GCNT4: variants seen among roughly 807,000 people sequenced by gnomAD.
The protein encoded by GCNT4 is beta-1,3-galactosyl-O-glycosyl-glycoprotein beta-1,6-N-acetylglucosaminyltransferase 4.
GCNT4 carries 17 observed loss-of-function variants against 31.3 expected under a neutral mutation model. The observed-to-expected ratio is 0.54, with a 90% CI of 0.37 to 0.81. The LOEUF is 0.81. GCNT4 is among the 40% of genes least tolerant of loss of function. The pLI is 0.00. For synonymous variants in GCNT4, 158 were observed against 190.6 expected (o/e 0.83, Z 1.41); for missense variants, 503 against 525.5 (o/e 0.96, Z 0.42).
chr5:75,019,801 A>G, the GCNT4 span, among the ~76,000 whole-genome samples: 3 of 152,236 alleles, frequency 2.0e-5, no homozygotes, highest in Non-Finnish European at 4.4e-5. Flanking sequence ...CCACCATTCC[A>G]TATTAGTTGC....
At chr5:75,048,878 A>G (rs1413878603) in intron 2 of GCNT4, among the ~76,000 whole-genome samples, 1 of 152,228 alleles carries the variant, frequency 6.6e-6, no homozygotes, top group Non-Finnish European at 1.5e-5. Context: ...ATGACTCAAT[A>G]GAGGAGTGAA....
chr5:75,031,693 C>T (rs1245317274), intron 3 of GCNT4, among the ~76,000 whole-genome samples: 1 of 152,160 alleles, frequency 6.6e-6, no homozygotes, highest in Non-Finnish European at 1.5e-5. Context: ...CACTGAATAT[C>T]TTTTAGTATC....
chr5:75,038,158 T>A (rs1164395783), intron 3 of GCNT4, among the ~76,000 whole-genome samples: 12 of 152,080 alleles, frequency 7.9e-5, no homozygotes. Flanking sequence ...TATGAACAAG[T>A]CCTAACCTAA....
rs747600053 is a variant in GCNT4, at chr5:75,029,518, C to G, written c.520G>C (p.Val174Leu). 6.8e-6 allele frequency: 11 copies of G among 1,614,092 alleles called. No homozygotes were observed. The Admixed American group carries it at 1.0e-4, about 15-fold the overall frequency. Residue 174 changes from valine to leucine, a missense_variant, in exon 4 of 4, where the codon GTT (valine) becomes CTT (leucine). By Grantham distance (32) the Val-to-Leu change is conservative. Coordinates refer to ENST00000652361, the MANE Select transcript of GCNT4 (RefSeq NM_001366737.1). The stretch of plus-strand genomic sequence containing the variant: ...CACTTAGCTAAATTGTTCATGGCAA[C>G]TTTGAAGGTATCAGGTGCCTTACGA... ...YDRKAPDTFKVAMNNLAKCFS... is the reference protein window; with the variant it reads ...YDRKAPDTFKLAMNNLAKCFS...
At chr5:75,019,068 T>G in the GCNT4 span, among the ~76,000 whole-genome samples, 1 of 152,084 alleles carries the variant, frequency 6.6e-6, no homozygotes, top group Non-Finnish European at 1.5e-5. Context: ...GTGTCTTCCC[T>G]CCCCCAAATT....
chr5:75,024,418 T>C (rs1258146107), downstream of GCNT4, among the ~76,000 whole-genome samples: 6 of 152,096 alleles, frequency 3.9e-5, no homozygotes, highest in Non-Finnish European at 1.5e-5. Flanking sequence ...GGATTGAGAT[T>C]TGTGAGTGAA....
At chr5:75,033,789 T>C (rs890683122) in intron 3 of GCNT4, among the ~76,000 whole-genome samples, 3 of 152,014 alleles carry the variant, frequency 2.0e-5, no homozygotes, top group Non-Finnish European at 4.4e-5. Flanking sequence ...ATCTAGGTTT[T>C]AAGCCCCGAA....
intron 2 of GCNT4, among the ~76,000 whole-genome samples, chr5:75,049,479 C>G (rs1226717700): frequency 6.6e-6 from 1 of 152,204 alleles, no homozygotes; most frequent in South Asian, 2.1e-4. Flanking sequence ...AGGATGGAAA[C>G]GGCTGCATTC....
In GCNT4 at chr5:75,028,417, T is replaced by C; in HGVS notation, c.*259A>G. ...TGTCATATAGTTAGGTGCTCAATAATGTTTGATGACTGACTGAATGTTTAA... is the reference window on the plus strand; with the variant it reads ...TGTCATATAGTTAGGTGCTCAATAACGTTTGATGACTGACTGAATGTTTAA... On this transcript the variant is annotated 3_prime_UTR_variant, in exon 4 of 4. Transcript: ENST00000652361. 1 of 446,682 alleles carries C rather than the reference T, an allele frequency of 2.2e-6. No individual in the cohort carries two copies. The highest frequency in any genetic ancestry group is 3.9e-6 in the Non-Finnish European group (1 of 254,708). 27.7% of individuals were successfully genotyped at this position (446,682 alleles called of 1,614,324 possible). A position where few individuals can be genotyped will look rare whatever the true frequency, so the allele number is the denominator to read the frequency against.
At chr5:75,024,575 A>G (rs996730566), downstream of GCNT4, among the ~76,000 whole-genome samples, 2 of 152,154 alleles carry the variant, frequency 1.3e-5, no homozygotes, top group African/African-American at 4.8e-5. Flanking sequence ...CTGGGAGAAC[A>G]GAGCAGAAGC....
At chr5:75,045,216 TCAC>T (rs1743411188) in intron 3 of GCNT4, among the ~76,000 whole-genome samples, 1 of 152,212 alleles carries the variant, frequency 6.6e-6, no homozygotes, top group Admixed American at 6.5e-5. Context: ...AGTGCAACCA[TCAC>T]CACAATCCAT....
intron 3 of GCNT4, among the ~76,000 whole-genome samples, chr5:75,044,893 T>C (rs1312485854): frequency 1.3e-5 from 2 of 152,158 alleles, no homozygotes; most frequent in Non-Finnish European, 2.9e-5. Context: ...ATAGGGATAA[T>C]GGGGAGAGGG....
intron 2 of GCNT4, among the ~76,000 whole-genome samples, chr5:75,049,433 T>G (rs1743517091): frequency 6.6e-6 from 1 of 152,176 alleles, no homozygotes; most frequent in African/African-American, 2.4e-5. Context: ...TGTCTCCAAA[T>G]GCCCACACTG....
chr5:75,044,788 GA>G (rs1421195123), intron 3 of GCNT4, among the ~76,000 whole-genome samples: 1 of 152,090 alleles, frequency 6.6e-6, no homozygotes. Context: ...GGTGAAGGAA[GA>G]ATCAGACAAG....
chr5:75,037,743 T>A (rs902574252), intron 3 of GCNT4, among the ~76,000 whole-genome samples: 10 of 151,918 alleles, frequency 6.6e-5, no homozygotes, highest in African/African-American at 2.4e-4. Context: ...CCGGGCATGG[T>A]GGCACACACC....
chr5:75,024,767 T>C (rs990983757), downstream of GCNT4, among the ~76,000 whole-genome samples: 1 of 151,860 alleles, frequency 6.6e-6, no homozygotes, highest in African/African-American at 2.4e-5. Context: ...CTGGCCAACA[T>C]AGTGAAACCC....
chr5:75,028,537 T>C lies in GCNT4; in HGVS notation c.*139A>G, dbSNP rs1264033659. 5.1e-6 allele frequency: 4 copies of C among 784,478 alleles called. No homozygotes were observed. The highest frequency in any genetic ancestry group is 1.8e-5 in the African/African-American group (1 of 56,752). The allele number at this position is 784,478 out of a possible 1,614,324, so 48.6% of individuals were successfully genotyped here. A position where few individuals can be genotyped will look rare whatever the true frequency, so the allele number is the denominator to read the frequency against. On this transcript the variant is annotated 3_prime_UTR_variant, in exon 4 of 4. Coordinates refer to ENST00000652361, the MANE Select transcript of GCNT4 (RefSeq NM_001366737.1). ...TAATAACATCAAAGGCTAGATCACT[T>C]TCCCTTGTGTATGGAATTTTGGACA...
chr5:75,048,910 G>T (rs1443026871), intron 2 of GCNT4, among the ~76,000 whole-genome samples: 1 of 152,192 alleles, frequency 6.6e-6, no homozygotes, highest in African/African-American at 2.4e-5. Context: ...AATATTTAAA[G>T]AACTTATTAA....
chr5:75,033,516 A>G (rs1743122938), intron 3 of GCNT4, among the ~76,000 whole-genome samples: 1 of 152,118 alleles, frequency 6.6e-6, no homozygotes, highest in African/African-American at 2.4e-5. Context: ...CCTTCGCCCA[A>G]GGCATCTTTA....
Sources: allele counts gnomAD v4.1 joint callset (sites outside exome capture counted in the v4.1 genomes callset), GRCh38; gene constraint gnomAD v4.1.1; transcripts MANE v1.5; gene names NCBI Gene and HGNC (gene_info 2026-07-23, HGNC 2026-07-21).